CCAR1: variants seen among roughly 807,000 people sequenced by gnomAD.
CCAR1 encodes the protein cell division cycle and apoptosis regulator 1, also known as cell division cycle and apoptosis regulator protein 1.
Under a neutral mutation model 163.8 loss-of-function variants are expected in CCAR1, and 78 were observed. That is an observed-to-expected ratio of 0.48 (90% confidence interval 0.40 to 0.57). The LOEUF (loss-of-function observed/expected upper bound fraction) is 0.57. Among genes scored for constraint, CCAR1 ranks in the 20% least tolerant of loss-of-function variants. CCAR1 has a pLI of 0.00. For missense variants in CCAR1, 1,019 were observed against 1,365.2 expected, an observed-to-expected ratio of 0.75 and a Z score of 4.00; for synonymous variants, 443 against 460.7, an observed-to-expected ratio of 0.96 and a Z score of 0.49.
At chr10:68,773,902 T>G (rs2056632070) in intron 19 of CCAR1, among the ~76,000 whole-genome samples, 1 of 149,998 alleles carries the variant, frequency 6.7e-6, no homozygotes. Context: ...TTTTTTGTTG[T>G]TTTTTTTTCA....
intron 16 of CCAR1, among the ~76,000 whole-genome samples, chr10:68,762,987 A>G (rs2056492023): frequency 6.6e-6 from 1 of 152,172 alleles, no homozygotes; most frequent in African/African-American, 2.4e-5. Context: ...GAGAAATTTT[A>G]TTATGGATAT....
At chr10:68,751,077 G>A (rs1009730178) in intron 10 of CCAR1, among the ~76,000 whole-genome samples, 1 of 151,432 alleles carries the variant, frequency 6.6e-6, no homozygotes. Flanking sequence ...CCCCAGGCTG[G>A]AGAGCAATGG....
intron 17 of CCAR1, among the ~76,000 whole-genome samples, chr10:68,766,496 C>G (rs1360590489): frequency 2.0e-5 from 3 of 150,552 alleles, no homozygotes; most frequent in Admixed American, 2.0e-4. Flanking sequence ...AGCCACCATG[C>G]CCGTATCTCT....
intron 16 of CCAR1, among the ~76,000 whole-genome samples, chr10:68,762,310 CAG>C (rs1318553857): frequency 1.4e-5 from 2 of 145,116 alleles, no homozygotes; most frequent in African/African-American, 5.1e-5. Flanking sequence ...GCCTGGGCGA[CAG>C]AGTGAGACTC....
chr10:68,754,198 T>A, intron 11 of CCAR1, 121 bp downstream of exon 11: 1 of 625,514 alleles, frequency 1.6e-6, no homozygotes, highest in Non-Finnish European at 2.7e-6. Flanking sequence ...GTTTTCTTCT[T>A]AACTGCTTGA....
chr10:68,737,898 A>T lies in CCAR1; in HGVS notation c.291+9A>T. ...ATAGTGTGCAACAACAGGTTAGTTT[A>T]TATTTTCCGTGTTAAAAACTGATTT... On this transcript the variant is annotated intron_variant, in intron 4 of 24. Transcript: ENST00000265872. 1 of 1,574,010 alleles carries T rather than the reference A, an allele frequency of 6.4e-7. No individual in the cohort carries two copies. Among genetic ancestry groups the T allele is most frequent in the Non-Finnish European group, 8.6e-7 (1 of 1,156,502 alleles).
At chr10:68,723,288 AT>A (rs71474434) in intron 2 of CCAR1, among the ~76,000 whole-genome samples, 136 of 138,450 alleles carry the variant, frequency 9.8e-4, no homozygotes, top group Admixed American at 1.4e-3. Context: ...CGCCCGGCTA[AT>A]TTTTTTTTTT....
At chr10:68,789,588 A>T in intron 23 of CCAR1, 122 bp from the exon 24 acceptor site, 1 of 625,400 alleles carries the variant, frequency 1.6e-6, no homozygotes, top group Non-Finnish European at 2.8e-6. Flanking sequence ...TGAAATTGAC[A>T]GACATTGCCA....
intron 2 of CCAR1, 58 bp from the exon 3 acceptor site, chr10:68,736,818 A>AT: frequency 6.7e-7 from 1 of 1,496,892 alleles, no homozygotes; most frequent in Non-Finnish European, 9.1e-7. Context: ...CTGTTTTCAT[A>AT]TTTTTTATAT....
At chr10:68,726,865 G>A (rs771452089) in intron 2 of CCAR1, among the ~76,000 whole-genome samples, 3 of 151,486 alleles carry the variant, frequency 2.0e-5, no homozygotes, top group Non-Finnish European at 4.4e-5. Context: ...ACATAGTGGT[G>A]TGCATCTGTA....
chr10:68,782,833 G>A (rs550234829), intron 19 of CCAR1, among the ~76,000 whole-genome samples: 30 of 151,966 alleles, frequency 2.0e-4, no homozygotes, highest in African/African-American at 6.3e-4. Context: ...TTTTAAGCCC[G>A]CTGTTGAGAT....
intron 2 of CCAR1, among the ~76,000 whole-genome samples, chr10:68,724,970 CT>C (rs1381942472): frequency 6.6e-6 from 1 of 152,028 alleles, no homozygotes; most frequent in Non-Finnish European, 1.5e-5. Flanking sequence ...GAAACCCCGT[CT>C]CTACTAAAAA....
At chr10:68,787,231 C>T (rs772409230) in intron 21 of CCAR1, among the ~76,000 whole-genome samples, 6 of 151,762 alleles carry the variant, frequency 4.0e-5, no homozygotes, top group Non-Finnish European at 8.8e-5. Flanking sequence ...ATAAACAAAA[C>T]GTGGAATTAT....
intron 18 of CCAR1, among the ~76,000 whole-genome samples, chr10:68,772,465 A>G (rs893464859): frequency 1.3e-5 from 2 of 152,092 alleles, no homozygotes; most frequent in African/African-American, 4.8e-5. Context: ...CCTGAGCAAC[A>G]AAGTGAGACT....
At chr10:68,728,567 CT>C (rs979642049) in intron 2 of CCAR1, among the ~76,000 whole-genome samples, 76 of 152,228 alleles carry the variant, frequency 5.0e-4, no homozygotes, top group African/African-American at 1.7e-3. Flanking sequence ...CAAAGGACTT[CT>C]GTCTGAGAGC....
At chr10:68,780,072 A>G (rs2056717396) in intron 19 of CCAR1, among the ~76,000 whole-genome samples, 1 of 152,220 alleles carries the variant, frequency 6.6e-6, no homozygotes, top group African/African-American at 2.4e-5. Flanking sequence ...TCAAAAATAC[A>G]AGTTTCGGAT....
In CCAR1 at chr10:68,789,881, C is replaced by T. The variant is rs757417721; in HGVS notation, c.3359C>T (p.Thr1120Met). The T allele has an allele frequency of 2.3e-5, 36 of 1,596,962 alleles. No homozygotes were observed. The highest frequency in any genetic ancestry group is 1.5e-4 in the South Asian group (13 of 86,576). Residue 1120 changes from threonine to methionine, a missense_variant, in exon 24 of 25, where the codon ACG becomes ATG. Thr to Met is a moderately conservative substitution (Grantham distance 81). This residue lies in a region of CCAR1 where 358 missense variants were observed against 406.4 expected (regional missense o/e 0.88). Coordinates refer to ENST00000265872, the MANE Select transcript of CCAR1 (RefSeq NM_018237.4). ...AATAAGACAATCAGAAACTTATCTA[C>T]GGTAATGGATGAAATCCACACTGTT... is the stretch of plus-strand genomic sequence containing the variant. ...QMNKTIRNLS[T>M]VMDEIHTVLK...
At chr10:68,726,564 A>C (rs1158204925) in intron 2 of CCAR1, among the ~76,000 whole-genome samples, 1 of 152,072 alleles carries the variant, frequency 6.6e-6, no homozygotes, top group East Asian at 1.9e-4. Context: ...CTCTATCTTT[A>C]GTATTATTAT....
chr10:68,722,722 A>C, intron 2 of CCAR1, 145 bp downstream of exon 2: 1 of 612,128 alleles, frequency 1.6e-6, no homozygotes. Context: ...AGGAGTTCGT[A>C]ACCAGCCTGG....
Sources: gnomAD v4.1 joint callset for allele counts (sites outside exome capture counted in the v4.1 genomes callset) on GRCh38, gnomAD v4.1.1 for gene constraint, gnomAD v4.1.1 regional missense constraint, MANE v1.5 for transcripts, NCBI Gene and HGNC (gene_info 2026-07-23, HGNC 2026-07-21) for gene names.